SGCZ: variants seen among roughly 807,000 people sequenced by gnomAD.
SGCZ encodes the protein sarcoglycan zeta, also known as zeta-sarcoglycan.
In SGCZ, 40 loss-of-function variants were observed where a neutral mutation model predicts 41.3. That is an observed-to-expected ratio of 0.97 (90% CI 0.75 to 1.26). SGCZ has a LOEUF of 1.26. SGCZ is among the 50% of genes most tolerant of loss of function. The pLI is 0.00. For synonymous variants in SGCZ, 206 were observed against 137.5 expected, an observed-to-expected ratio of 1.50 and a Z score of -3.49; for missense variants, 552 against 369.8, an observed-to-expected ratio of 1.49 and a Z score of -4.04.
chr8:14,126,432 A>G (rs1269856333), intron 5 of SGCZ, among the ~76,000 whole-genome samples: 1 of 151,696 alleles, frequency 6.6e-6, no homozygotes, highest in African/African-American at 2.4e-5. Flanking sequence ...GTGAGATACC[A>G]TATTATGCCA....
chr8:14,327,143 A>C (rs1195558309), intron 2 of SGCZ, among the ~76,000 whole-genome samples: 1 of 152,206 alleles, frequency 6.6e-6, no homozygotes, highest in African/African-American at 2.4e-5. Flanking sequence ...AATGGATGTT[A>C]AGAAATATGG....
chr8:14,707,290 C>A lies in SGCZ; in HGVS notation c.40-152364G>T, dbSNP rs77825143. Among the ~76,000 whole-genome samples, 17 of 148,718 alleles carry A rather than the reference C, an allele frequency of 1.1e-4. No homozygotes were observed. The East Asian group carries it at 3.0e-3, about 27-fold the overall frequency. On this transcript the variant is annotated intron_variant, in intron 1 of 7. Coordinates refer to ENST00000382080, the MANE Select transcript of SGCZ (RefSeq NM_139167.4). ...TGAGTGAGAACATACATAGTCAATT[C>A]TTTTTTAAAAAGTCAGTGAGCTCTT...
At chr8:15,184,265 C>A (rs868858380) in intron 1 of SGCZ, among the ~76,000 whole-genome samples, 26 of 152,224 alleles carry the variant, frequency 1.7e-4, no homozygotes, top group African/African-American at 5.8e-4. Context: ...TTACCTTATG[C>A]TTTTAAAATT....
chr8:14,698,282 A>G (rs2117589920), intron 1 of SGCZ, among the ~76,000 whole-genome samples: 1 of 152,050 alleles, frequency 6.6e-6, no homozygotes, highest in African/African-American at 2.4e-5. Context: ...AATTCTTAAT[A>G]TACTGATCCC....
chr8:14,489,880 T>TTTTTTTTC (rs1289497331), intron 2 of SGCZ, among the ~76,000 whole-genome samples: 4 of 148,232 alleles, frequency 2.7e-5, no homozygotes, highest in African/African-American at 1.0e-4. Context: ...TTTTTTTTTT[T>TTTTTTTTC]TCCTGAGATG....
At chr8:14,854,021 T>TTTTATA (rs1394714691) in intron 1 of SGCZ, among the ~76,000 whole-genome samples, 7 of 107,678 alleles carry the variant, frequency 6.5e-5, no homozygotes, top group Non-Finnish European at 1.2e-4. Flanking sequence ...TGTGATTATA[T>TTTTATA]TATATATATA....
chr8:15,186,093 TAAAAAAATAA>T (rs1563172256), intron 1 of SGCZ, among the ~76,000 whole-genome samples: 6 of 98,804 alleles, frequency 6.1e-5, no homozygotes, highest in Admixed American at 1.9e-4. Flanking sequence ...AAAAAATAAA[TAAAAAAATAA>T]AAAAAAAACT....
chr8:14,582,975 G>C (rs1184552349), intron 1 of SGCZ, among the ~76,000 whole-genome samples: 1 of 151,830 alleles, frequency 6.6e-6, no homozygotes, highest in Non-Finnish European at 1.5e-5. Flanking sequence ...AAATACGTGT[G>C]CATGTGTCTT....
intron 2 of SGCZ, among the ~76,000 whole-genome samples, chr8:14,419,405 C>A (rs1337195933): frequency 6.6e-6 from 1 of 151,856 alleles, no homozygotes; most frequent in African/African-American, 2.4e-5. Flanking sequence ...ACCTATGTAT[C>A]AATTATTTCA....
chr8:14,871,581 G>T (rs1251298927), intron 1 of SGCZ, among the ~76,000 whole-genome samples: 2 of 151,902 alleles, frequency 1.3e-5, no homozygotes. Context: ...TAAGATGGGA[G>T]GTTCATGATG....
At chr8:14,325,077 G>A (rs888255685) in intron 2 of SGCZ, among the ~76,000 whole-genome samples, 6 of 152,116 alleles carry the variant, frequency 3.9e-5, no homozygotes, top group East Asian at 1.9e-4. Context: ...ATAATTTAAG[G>A]AGAATGTACT....
chr8:15,066,261 T>A (rs1805139452), intron 1 of SGCZ, among the ~76,000 whole-genome samples: 1 of 149,406 alleles, frequency 6.7e-6, no homozygotes, highest in African/African-American at 2.5e-5. Context: ...TGAGCCGAGA[T>A]TGCGCCACTG....
At chr8:14,714,067 A>C (rs748790701) in intron 1 of SGCZ, among the ~76,000 whole-genome samples, 2 of 152,086 alleles carry the variant, frequency 1.3e-5, no homozygotes, top group Non-Finnish European at 2.9e-5. Context: ...TCCTTGGTTG[A>C]AGCAATTCTT....
chr8:14,460,748 T>A (rs1461873), intron 2 of SGCZ, among the ~76,000 whole-genome samples: 2 of 152,242 alleles, frequency 1.3e-5, no homozygotes, highest in East Asian at 1.9e-4. Context: ...AAAGGTACAA[T>A]AGCAAGATGC....
At chr8:14,633,003 T>A (rs183404748) in intron 1 of SGCZ, among the ~76,000 whole-genome samples, 1 of 152,040 alleles carries the variant, frequency 6.6e-6, no homozygotes, top group Admixed American at 6.6e-5. Flanking sequence ...TTAAAACAAA[T>A]TTTAATAATT....
intron 2 of SGCZ, among the ~76,000 whole-genome samples, chr8:14,543,750 A>G (rs554891377): frequency 1.3e-5 from 2 of 152,272 alleles, no homozygotes; most frequent in African/African-American, 4.8e-5. Context: ...TCTATAAAAT[A>G]ATAAATGAAT....
chr8:15,172,168 T>TTTTG (rs1554471151), intron 1 of SGCZ, among the ~76,000 whole-genome samples: 8 of 129,618 alleles, frequency 6.2e-5, no homozygotes. Context: ...TTTTTTTTTT[T>TTTTG]TTTTTTTTTT....
chr8:14,509,985 T>C (rs575802512), intron 2 of SGCZ, among the ~76,000 whole-genome samples: 1 of 152,050 alleles, frequency 6.6e-6, no homozygotes, highest in South Asian at 2.1e-4. Context: ...GGTCCCTACC[T>C]CAACACATAG....
At chr8:14,262,067 T>G (rs1464895094) in intron 3 of SGCZ, among the ~76,000 whole-genome samples, 1 of 152,166 alleles carries the variant, frequency 6.6e-6, no homozygotes, top group Non-Finnish European at 1.5e-5. Context: ...TTGAGAGAAT[T>G]AAATCTGTGA....
Sources: gnomAD v4.1 joint callset for allele counts (sites outside exome capture counted in the v4.1 genomes callset) on GRCh38, gnomAD v4.1.1 for gene constraint, MANE v1.5 for transcripts, NCBI Gene and HGNC (gene_info 2026-07-23, HGNC 2026-07-21) for gene names.